SCN3A: variants seen among roughly 807,000 people sequenced by gnomAD.
SCN3A encodes the protein sodium voltage-gated channel alpha subunit 3.
A neutral mutation model predicts 187.6 loss-of-function variants in SCN3A; 60 were observed. The observed-to-expected ratio is 0.32, with a 90% confidence interval of 0.26 to 0.40. The LOEUF (loss-of-function observed/expected upper bound fraction) is 0.40. Ranked by LOEUF, SCN3A falls within the 10% of genes least tolerant of loss-of-function variation. The pLI is 1.00. For synonymous variants in SCN3A, 788 were observed against 829.2 expected (o/e 0.95, Z 0.85); for missense variants, 1,601 against 2,428.2 (o/e 0.66, Z 7.16).
chr2:165,165,363 A>G (rs1689691828), intron 5 of SCN3A, among the ~76,000 whole-genome samples: 1 of 152,084 alleles, frequency 6.6e-6, no homozygotes, highest in Admixed American at 6.6e-5. Flanking sequence ...GTTTGCACAA[A>G]TGCCAAAATA....
At chr2:165,093,135 A>G (rs1374285205) in intron 26 of SCN3A, 1 of 152,268 alleles carries the variant, frequency 6.6e-6, no homozygotes, top group African/African-American at 2.4e-5. Context: ...AATAAGTATG[A>G]TAATTTTTAT....
intron 18 of SCN3A, among the ~76,000 whole-genome samples, chr2:165,127,361 T>C (rs1435593187): frequency 6.6e-6 from 1 of 152,080 alleles, no homozygotes. Flanking sequence ...ATGCCCAGCC[T>C]AAAAGGCCAC....
chr2:165,129,797 T>G (rs1687205104), intron 17 of SCN3A, 143 bp downstream of exon 17: 1 of 1,005,064 alleles, frequency 9.9e-7, no homozygotes, highest in African/African-American at 1.6e-5. Flanking sequence ...GTTAAATAAC[T>G]TGCTTATTCT....
chr2:165,200,468 A>G (rs1240920974), intron 1 of SCN3A, among the ~76,000 whole-genome samples: 4 of 152,086 alleles, frequency 2.6e-5, no homozygotes, highest in Non-Finnish European at 5.9e-5. Context: ...GCTTATTCTT[A>G]TGGATGCTTT....
intron 21 of SCN3A, among the ~76,000 whole-genome samples, chr2:165,112,400 G>C (rs919502323): frequency 6.6e-6 from 1 of 152,162 alleles, no homozygotes; most frequent in Non-Finnish European, 1.5e-5. Flanking sequence ...TGGGTATGTG[G>C]CTGTGGCTGA....
chr2:165,109,120 C>T (rs1317754192), intron 21 of SCN3A, among the ~76,000 whole-genome samples: 3 of 152,136 alleles, frequency 2.0e-5, no homozygotes, highest in African/African-American at 7.2e-5. Context: ...CTCTGGGTTT[C>T]TATGACACCA....
rs561450092 is a variant in SCN3A at position 165,111,793 on chromosome 2, A to G, written c.3843+1092T>C. 3.9e-5 allele frequency among the ~76,000 whole-genome samples: 6 copies of G among 152,312 alleles called. No individual in the cohort carries two copies. In the East Asian group the frequency reaches 1.2e-3, roughly 29 times the overall value. ...CATTTGTGCATAGCTTTTCAGAGTT[A>G]TGTTGAAATTCATCTCTATTATTAA... On this transcript the variant is annotated intron_variant, in intron 21 of 27. Coordinates refer to ENST00000283254, the MANE Select transcript of SCN3A (RefSeq NM_006922.4).
intron 22 of SCN3A, among the ~76,000 whole-genome samples, chr2:165,097,876 A>G (rs1193259241): frequency 6.6e-6 from 1 of 152,220 alleles, no homozygotes; most frequent in African/African-American, 2.4e-5. Flanking sequence ...AATACATTTT[A>G]ATTTTCAAGA....
chr2:165,194,003 T>C (rs1691775442), intron 1 of SCN3A, among the ~76,000 whole-genome samples: 1 of 152,068 alleles, frequency 6.6e-6, no homozygotes, highest in African/African-American at 2.4e-5. Flanking sequence ...AGATACACAG[T>C]TATAATGTTA....
rs149019897 is a variant in SCN3A, at chr2:165,134,897, A to C, written c.2391+2982T>G. Among the ~76,000 whole-genome samples the C allele has an allele frequency of 1.4e-3, 218 of 152,170 alleles. 2 individuals are homozygous for C. Among genetic ancestry groups the C allele is most frequent in the African/African-American group, 4.9e-3 (202 of 41,572 alleles). On this transcript the variant is annotated intron_variant, in intron 15 of 27. Transcript: ENST00000283254. The stretch of plus-strand genomic sequence containing the variant: ...ATAAGGTGATCTTTTCAGCTCTTCT[A>C]AAATGACTAGATCTCATACCTTTAA...
chr2:165,096,258 T>A (rs1249219526), intron 24 of SCN3A, among the ~76,000 whole-genome samples: 1 of 152,162 alleles, frequency 6.6e-6, no homozygotes, highest in Admixed American at 6.6e-5. Flanking sequence ...TTAGGATCCA[T>A]GCAGCTAGAT....
intron 18 of SCN3A, among the ~76,000 whole-genome samples, chr2:165,117,940 G>A (rs1686452422): frequency 2.0e-5 from 3 of 152,040 alleles, no homozygotes; most frequent in Non-Finnish European, 4.4e-5. Flanking sequence ...ATTCTTCCAT[G>A]TATTCTGCAG....
At chr2:165,095,701 A>G in intron 24 of SCN3A, 53 bp from the exon 25 acceptor site, 1 of 1,022,748 alleles carries the variant, frequency 9.8e-7, no homozygotes, top group Non-Finnish European at 1.5e-6. Flanking sequence ...AAATACTTAC[A>G]CTAAATCAGT....
At chr2:165,174,168 C>T (rs553929060) in intron 3 of SCN3A, among the ~76,000 whole-genome samples, 3 of 152,182 alleles carry the variant, frequency 2.0e-5, no homozygotes, top group Admixed American at 1.3e-4. Context: ...CTTGGCCTCT[C>T]GAAGCCCTAG....
intron 2 of SCN3A, among the ~76,000 whole-genome samples, chr2:165,185,693 A>G (rs1197923233): frequency 1.3e-5 from 2 of 152,146 alleles, no homozygotes; most frequent in Admixed American, 6.5e-5. Flanking sequence ...GTTCTGTTCA[A>G]TAAACATCTT....
intron 13 of SCN3A, among the ~76,000 whole-genome samples, chr2:165,140,000 T>C (rs1368109255): frequency 1.3e-5 from 2 of 152,192 alleles, no homozygotes; most frequent in African/African-American, 2.4e-5. Context: ...ATAAATATTA[T>C]GATTATATAG....
At chr2:165,177,663 C>A (rs746235445) in intron 2 of SCN3A, among the ~76,000 whole-genome samples, 5 of 152,006 alleles carry the variant, frequency 3.3e-5, no homozygotes, top group South Asian at 4.2e-4. Context: ...ATGCCGATCA[C>A]CTGGATGAGA....
In SCN3A at chr2:165,138,001, C is replaced by T; in HGVS notation, c.2269G>A (p.Val757Ile). The T allele has an allele frequency of 1.2e-6, 2 of 1,613,460 alleles. No homozygotes were observed. Among genetic ancestry groups the T allele is most frequent in the Non-Finnish European group, 1.7e-6 (2 of 1,179,556 alleles). ...GCAAGATCAACAAATGGATCCATAA[C>T]AATTAAATTCACAAGATGTTTTACT... is the stretch of plus-strand genomic sequence containing the variant. ...LKVKHLVNLI[V>I]MDPFVDLAIT... The change falls in exon 15 of 28, where the codon GTT becomes ATT. Residue 757 changes from valine to isoleucine, a missense_variant. Physicochemically the swap from Val to Ile is conservative, Grantham distance 29 (BLOSUM62 3). Around this residue, in one of 11 missense-constraint regions of SCN3A, gnomAD observed 376 missense variants for 476.0 expected, o/e 0.79. Transcript: ENST00000283254.
At chr2:165,170,679 T>C in intron 3 of SCN3A, 131 bp from the exon 4 acceptor site, 5 of 637,520 alleles carry the variant, frequency 7.8e-6, no homozygotes, top group Non-Finnish European at 1.4e-5. Flanking sequence ...AGTTGATATA[T>C]CATAACTACA....
Sources: allele counts gnomAD v4.1 joint callset (sites outside exome capture counted in the v4.1 genomes callset), GRCh38; gene constraint gnomAD v4.1.1; regional missense constraint gnomAD v4.1.1; transcripts MANE v1.5; gene names NCBI Gene and HGNC (gene_info 2026-07-23, HGNC 2026-07-21).